The following TNNI3K variants were observed in gnomAD, a reference collection of about 807,000 sequenced individuals.
The protein encoded by TNNI3K is serine/threonine-protein kinase TNNI3K.
A neutral mutation model predicts 114.5 loss-of-function variants in TNNI3K; 140 were observed. The observed-to-expected ratio is 1.22, with a 90% confidence interval of 1.07 to 1.41. The LOEUF (loss-of-function observed/expected upper bound fraction) is 1.41, where lower values mean the gene tolerates loss of function less well. Ranked by LOEUF, TNNI3K falls within the 40% of genes most tolerant of loss-of-function variation. TNNI3K has a pLI of 0.00. For missense variants in TNNI3K, 1,125 were observed against 1,007.6 expected (o/e 1.12, Z -1.58); for synonymous variants, 347 against 347.5 (o/e 1.00, Z 0.02).
chr1:74,313,127 C>T (rs1337264910), intron 5 of TNNI3K, among the ~76,000 whole-genome samples: 1 of 152,180 alleles, frequency 6.6e-6, no homozygotes, highest in Admixed American at 6.5e-5. Flanking sequence ...TCCTTTACCT[C>T]TTTCCTGGAT....
intron 17 of TNNI3K, among the ~76,000 whole-genome samples, chr1:74,386,956 G>A (rs1663514159): frequency 1.3e-5 from 2 of 152,158 alleles, no homozygotes; most frequent in African/African-American, 4.8e-5. Flanking sequence ...TCATTGTCAA[G>A]ACAAGGGAGA....
chr1:74,257,308 A>G (rs1339570494), intron 4 of TNNI3K, among the ~76,000 whole-genome samples: 2 of 152,110 alleles, frequency 1.3e-5, no homozygotes, highest in African/African-American at 4.8e-5. Flanking sequence ...TTTTCCTTCA[A>G]GGTTTTGAAC....
Position 74,249,526 on chromosome 1 carries a change from T to A in TNNI3K, c.217T>A (p.Leu73Ile). 1 of 1,613,596 alleles carries A rather than the reference T, an allele frequency of 6.2e-7. No homozygotes were observed. The highest frequency in any genetic ancestry group is 8.5e-7 in the Non-Finnish European group (1 of 1,179,772). ...RTENGLSLLH[L>I]CCICGGKKSH... Reference sequence around the variant, plus strand: ...TGAAAATGGGCTGTCTCTACTTCATTTATGTTGCATTTGTGGAGGTGAGTA... The same window carrying A: ...TGAAAATGGGCTGTCTCTACTTCATATATGTTGCATTTGTGGAGGTGAGTA... The change falls in exon 3 of 25, where the codon TTA (leucine) becomes ATA (isoleucine). Residue 73 changes from leucine (L) to isoleucine (I), a missense_variant. Physicochemically the swap from Leu to Ile is conservative, Grantham distance 5. Coordinates refer to ENST00000326637, the MANE Select transcript of TNNI3K (RefSeq NM_015978.3).
At chr1:74,467,130 A>G (rs2100728953) in intron 21 of TNNI3K, among the ~76,000 whole-genome samples, 1 of 152,318 alleles carries the variant, frequency 6.6e-6, no homozygotes, top group African/African-American at 2.4e-5. Flanking sequence ...TTGGTGAGAA[A>G]GAAAAACAGT....
chr1:74,511,846 A>G (rs568588606), intron 23 of TNNI3K, among the ~76,000 whole-genome samples: 1 of 152,224 alleles, frequency 6.6e-6, no homozygotes, highest in South Asian at 2.1e-4. Flanking sequence ...AAGGGAAGCA[A>G]CAGGGACAAA....
intron 11 of TNNI3K, among the ~76,000 whole-genome samples, chr1:74,355,911 A>G (rs1245789941): frequency 2.0e-5 from 3 of 152,162 alleles, no homozygotes; most frequent in African/African-American, 7.2e-5. Flanking sequence ...TATAAATACA[A>G]ACATATATAT....
intron 1 of TNNI3K, 41 bp from the exon 2 acceptor site, chr1:74,236,061 A>G: frequency 6.4e-7 from 1 of 1,561,906 alleles, no homozygotes. Context: ...CATTTTGCAA[A>G]ACACAACTAT....
At chr1:74,266,719 CT>C (rs1183650950) in intron 4 of TNNI3K, among the ~76,000 whole-genome samples, 2 of 151,826 alleles carry the variant, frequency 1.3e-5, no homozygotes, top group African/African-American at 2.4e-5. Context: ...ATAGTGGTTG[CT>C]TATCTTGGCT....
intron 2 of TNNI3K, among the ~76,000 whole-genome samples, chr1:74,237,799 C>G (rs1653947347): frequency 6.6e-6 from 1 of 151,982 alleles, no homozygotes; most frequent in Non-Finnish European, 1.5e-5. Flanking sequence ...AGCTCGTATT[C>G]AAGTGTTGTT....
At chr1:74,369,797 T>G in intron 16 of TNNI3K, 1 of 529,548 alleles carries the variant, frequency 1.9e-6, no homozygotes, top group Non-Finnish European at 2.9e-6. Context: ...GAAATTCAGT[T>G]GAAGATAACA....
intron 5 of TNNI3K, among the ~76,000 whole-genome samples, chr1:74,327,642 T>C (rs1236724786): frequency 2.9e-5 from 3 of 103,912 alleles, no homozygotes; most frequent in Non-Finnish European, 6.3e-5. Context: ...GTCAGATATG[T>C]CTTTTTATAT....
intron 5 of TNNI3K, among the ~76,000 whole-genome samples, chr1:74,274,132 T>A (rs1656524300): frequency 1.3e-5 from 2 of 152,072 alleles, no homozygotes; most frequent in Non-Finnish European, 2.9e-5. Context: ...TTTTTAATGT[T>A]ACATGTATTA....
At chr1:74,527,209 ACTCATAAGG>A (rs1455636754) in intron 23 of TNNI3K, among the ~76,000 whole-genome samples, 1 of 152,180 alleles carries the variant, frequency 6.6e-6, no homozygotes, top group African/African-American at 2.4e-5. Context: ...GCACACGGAG[ACTCATAAGG>A]CTCATCCTTG....
intron 23 of TNNI3K, among the ~76,000 whole-genome samples, chr1:74,535,345 C>A (rs984319463): frequency 1.3e-5 from 2 of 152,100 alleles, no homozygotes; most frequent in Non-Finnish European, 2.9e-5. Context: ...GTGGCACATG[C>A]CTGTAATCCC....
intron 21 of TNNI3K, among the ~76,000 whole-genome samples, chr1:74,473,631 C>G (rs574118569): frequency 6.6e-6 from 1 of 151,754 alleles, no homozygotes; most frequent in Non-Finnish European, 1.5e-5. Context: ...TGGGGATACT[C>G]CATCTCCAAT....
chr1:74,260,145 C>T (rs1231067744), intron 4 of TNNI3K, among the ~76,000 whole-genome samples: 1 of 152,140 alleles, frequency 6.6e-6, no homozygotes, highest in Non-Finnish European at 1.5e-5. Context: ...AATTATTGCA[C>T]TCTCTTTTGG....
intron 20 of TNNI3K, among the ~76,000 whole-genome samples, chr1:74,458,096 G>A (rs1025199909): frequency 1.3e-5 from 2 of 152,144 alleles, no homozygotes; most frequent in East Asian, 1.9e-4. Context: ...CAACAACAAC[G>A]CAGCTACACT....
chr1:74,323,564 G>A (rs776916940), intron 5 of TNNI3K, among the ~76,000 whole-genome samples: 3 of 152,090 alleles, frequency 2.0e-5, no homozygotes, highest in Non-Finnish European at 4.4e-5. Flanking sequence ...CTGGGAAATA[G>A]GGAAAAGATA....
At chr1:74,336,600 G>A (rs1660482221) in intron 7 of TNNI3K, among the ~76,000 whole-genome samples, 1 of 150,512 alleles carries the variant, frequency 6.6e-6, no homozygotes, top group Admixed American at 6.7e-5. Flanking sequence ...AATATGTGGT[G>A]TTTGGTTTTT....
Sources: gnomAD v4.1 joint callset for allele counts (sites outside exome capture counted in the v4.1 genomes callset) on GRCh38, gnomAD v4.1.1 for gene constraint, MANE v1.5 for transcripts, NCBI Gene and HGNC (gene_info 2026-07-23, HGNC 2026-07-21) for gene names.